Variants in ZBTB16 observed in about 807,000 individuals in gnomAD.
The protein encoded by ZBTB16 is zinc finger and BTB domain-containing protein 16.
In ZBTB16, 8 loss-of-function variants were observed where a neutral mutation model predicts 56.8. The ratio of observed to expected loss-of-function variants is 0.14; its 90% CI spans 0.08 to 0.25. The LOEUF (loss-of-function observed/expected upper bound fraction) is 0.25, where lower values mean the gene tolerates loss of function less well. Ranked by LOEUF, ZBTB16 falls within the 10% of genes least tolerant of loss-of-function variation. ZBTB16 has a pLI of 1.00. For missense variants in ZBTB16, 625 were observed against 903.0 expected, an observed-to-expected ratio of 0.69 and a Z score of 3.95; for synonymous variants, 363 against 368.5, an observed-to-expected ratio of 0.98 and a Z score of 0.17.
At chr11:114,070,189 A>G (rs949806970) in intron 2 of ZBTB16, among the ~76,000 whole-genome samples, 18 of 144,472 alleles carry the variant, frequency 1.2e-4, no homozygotes, top group African/African-American at 4.4e-4. Context: ...GCTCACTGCA[A>G]GCTCCGCTTC....
At chr11:114,199,895 G>A (rs1197782957) in intron 4 of ZBTB16, among the ~76,000 whole-genome samples, 1 of 152,172 alleles carries the variant, frequency 6.6e-6, no homozygotes, top group Non-Finnish European at 1.5e-5. Flanking sequence ...TTGGGAGGCC[G>A]AGGTGGGCGG....
chr11:114,217,608 A>G (rs1453812036), intron 4 of ZBTB16, among the ~76,000 whole-genome samples: 1 of 152,174 alleles, frequency 6.6e-6, no homozygotes, highest in South Asian at 2.1e-4. Context: ...TCTGCGGAAC[A>G]TCTAGGGAGC....
chr11:114,161,976 AT>A (rs1942602071), intron 3 of ZBTB16, among the ~76,000 whole-genome samples: 1 of 152,206 alleles, frequency 6.6e-6, no homozygotes, highest in South Asian at 2.1e-4. Flanking sequence ...GGGAGGCCCC[AT>A]CCTTCCACTC....
In ZBTB16 at chr11:114,250,803, G is replaced by A. The variant is rs1485800265; in HGVS notation, c.*248G>A. The stretch of plus-strand genomic sequence containing the variant: ...GAGGTTTGCCTGATTTTCTGGGATG[G>A]GGTTGGGTATTTTGTTCACTCAAAT... On this transcript the variant is annotated 3_prime_UTR_variant, in exon 7 of 7. Coordinates refer to ENST00000335953, the MANE Select transcript of ZBTB16 (RefSeq NM_006006.6). The surrounding 1 kb of genome is among the most constrained non-coding windows in gnomAD (Gnocchi z 6.0). 1 of 563,332 alleles carries A rather than the reference G, an allele frequency of 1.8e-6. No individual in the cohort carries two copies. Among genetic ancestry groups the A allele is most frequent in the African/African-American group, 1.9e-5 (1 of 53,260 alleles). 34.9% of individuals were successfully genotyped at this position (563,332 alleles called of 1,614,324 possible). A position where few individuals can be genotyped will look rare whatever the true frequency, so the allele number is the denominator to read the frequency against.
rs148808426 is a variant in ZBTB16, at chr11:114,143,716, G to A, written c.1269-12621G>A. On this transcript the variant is annotated intron_variant, in intron 2 of 6. Coordinates refer to ENST00000335953, the MANE Select transcript of ZBTB16 (RefSeq NM_006006.6). This position sits in a 1 kb window ranked among gnomAD's most constrained non-coding sequence, Gnocchi z 6.4. ...CTTCTCCTCCATGCCATGGACCGTC[G>A]CTGCATCATCTAAGCACAGGGCACC... Among the ~76,000 whole-genome samples, 32 of 152,296 alleles carry A rather than the reference G, an allele frequency of 2.1e-4. No individual in the cohort carries two copies. Among genetic ancestry groups the A allele is most frequent in the East Asian group, 5.8e-4 (3 of 5,182 alleles).
At chr11:114,241,166 A>G (rs1944694023) in intron 4 of ZBTB16, among the ~76,000 whole-genome samples, 1 of 152,154 alleles carries the variant, frequency 6.6e-6, no homozygotes, top group Non-Finnish European at 1.5e-5. Flanking sequence ...TGCTTGTAGA[A>G]GGCATCAAAT....
intron 2 of ZBTB16, among the ~76,000 whole-genome samples, chr11:114,148,829 C>T (rs1252816291): frequency 6.6e-6 from 1 of 150,910 alleles, no homozygotes; most frequent in Non-Finnish European, 1.5e-5. Flanking sequence ...TAGAGAGCTT[C>T]TCTTTTGGAC....
intron 2 of ZBTB16, among the ~76,000 whole-genome samples, chr11:114,150,802 C>T (rs1364019696): frequency 6.6e-6 from 1 of 152,182 alleles, no homozygotes; most frequent in African/African-American, 2.4e-5. Context: ...GCAAGGTTCT[C>T]TTATCACCGA....
intron 3 of ZBTB16, among the ~76,000 whole-genome samples, chr11:114,172,629 T>C (rs1481751921): frequency 6.6e-6 from 1 of 152,178 alleles, no homozygotes; most frequent in Non-Finnish European, 1.5e-5. Context: ...GCTCACGTGG[T>C]ACAGATTGCA....
chr11:114,142,842 T>C (rs1941992661), intron 2 of ZBTB16, among the ~76,000 whole-genome samples: 1 of 151,958 alleles, frequency 6.6e-6, no homozygotes, highest in South Asian at 2.1e-4. Flanking sequence ...CTCTGCCTCC[T>C]CCCCCATCCC....
At chr11:114,166,819 G>A (rs1378810698) in intron 3 of ZBTB16, among the ~76,000 whole-genome samples, 3 of 152,142 alleles carry the variant, frequency 2.0e-5, no homozygotes, top group African/African-American at 7.2e-5. Flanking sequence ...TTTAAAAATA[G>A]CCCCATGACC....
At chr11:114,132,730 G>A (rs1941699371) in intron 2 of ZBTB16, among the ~76,000 whole-genome samples, 1 of 152,172 alleles carries the variant, frequency 6.6e-6, no homozygotes, top group Admixed American at 6.5e-5. Flanking sequence ...GTTCATGAGA[G>A]GGGCCGGAGC....
Position 114,059,823 on chromosome 11 carries a change from A to C in ZBTB16, c.-150A>C, listed in dbSNP as rs1461565611. On this transcript the variant is annotated 5_prime_UTR_variant, in exon 1 of 7. Coordinates refer to ENST00000335953, the MANE Select transcript of ZBTB16 (RefSeq NM_006006.6). This position sits in a 1 kb window ranked among gnomAD's most constrained non-coding sequence, Gnocchi z 5.3. ...TTCCCCAGCAACACCCCTCCCCGAC[A>C]CAGGCACACACCCCCCGACAGGCAC... The C allele has an allele frequency of 2.5e-6, 1 of 397,930 alleles. No homozygotes were observed. The highest frequency in any genetic ancestry group is 4.4e-6 in the Non-Finnish European group (1 of 225,816). 24.6% of individuals were successfully genotyped at this position (397,930 alleles called of 1,614,324 possible).
At chr11:114,239,819 C>T (rs1944665504) in intron 4 of ZBTB16, among the ~76,000 whole-genome samples, 1 of 152,156 alleles carries the variant, frequency 6.6e-6, no homozygotes, top group African/African-American at 2.4e-5. Flanking sequence ...CCCAGACAGG[C>T]GGGCAGTCAG....
At chr11:114,194,075 T>C (rs919823782) in intron 4 of ZBTB16, among the ~76,000 whole-genome samples, 2 of 152,134 alleles carry the variant, frequency 1.3e-5, no homozygotes, top group African/African-American at 4.8e-5. Flanking sequence ...TGGCCCTGCC[T>C]GGGAAGAGCT....
At position 114,104,372 on chromosome 11, in the gene ZBTB16, C is replaced by T. The variant is rs572000311; in HGVS notation, c.1268+39804C>T. On this transcript the variant is annotated intron_variant, in intron 2 of 6. Transcript: ENST00000335953. Reference sequence around the variant, plus strand: ...GACGGAGTTAGCTGGGGAAATACATCAGTCTTCACTCCCAGCACCCAAGAT... The same window carrying T: ...GACGGAGTTAGCTGGGGAAATACATTAGTCTTCACTCCCAGCACCCAAGAT... 1.6e-3 allele frequency among the ~76,000 whole-genome samples: 241 copies of T among 152,296 alleles called. 1 individual carries two copies. Among genetic ancestry groups the T allele is most frequent in the African/African-American group, 5.3e-3 (221 of 41,556 alleles).
intron 4 of ZBTB16, among the ~76,000 whole-genome samples, chr11:114,202,783 A>G (rs555220984): frequency 1.3e-5 from 2 of 152,158 alleles, no homozygotes; most frequent in African/African-American, 2.4e-5. Flanking sequence ...GAATGCAGTA[A>G]AAGTGTGTGT....
chr11:114,161,051 G>C (rs552880707), intron 3 of ZBTB16, among the ~76,000 whole-genome samples: 1 of 152,148 alleles, frequency 6.6e-6, no homozygotes, highest in Admixed American at 6.5e-5. Flanking sequence ...TGGCATTGAA[G>C]CATCTGTTGA....
At chr11:114,196,345 C>A (rs905944285) in intron 4 of ZBTB16, among the ~76,000 whole-genome samples, 2 of 152,194 alleles carry the variant, frequency 1.3e-5, no homozygotes, top group African/African-American at 2.4e-5. Flanking sequence ...TATCTCTTGA[C>A]TTCTTCAAAT....
Sources: gnomAD v4.1 joint callset for allele counts (sites outside exome capture counted in the v4.1 genomes callset) on GRCh38, gnomAD v4.1.1 for gene constraint, Gnocchi (gnomAD v3.1) non-coding constraint, MANE v1.5 for transcripts, NCBI Gene and HGNC (gene_info 2026-07-23, HGNC 2026-07-21) for gene names.